The following DMD variants were observed in gnomAD, a reference collection of about 807,000 sequenced individuals.
DMD encodes mutant dystrophin.
A neutral mutation model predicts 330.1 loss-of-function variants in DMD; 63 were observed. The ratio of observed to expected loss-of-function variants is 0.19; its 90% CI spans 0.16 to 0.24. The LOEUF is 0.24. DMD is among the 10% of genes least tolerant of loss of function. DMD has a pLI of 1.00. For synonymous variants in DMD, 1,223 were observed against 959.8 expected (o/e 1.27, Z -5.07); for missense variants, 3,344 against 2,684.1 (o/e 1.25, Z -5.43).
intron 1 of DMD, among the ~76,000 whole-genome samples, chrX:33,021,799 T>A (rs1259240427): frequency 8.9e-6 from 1 of 111,888 alleles, no homozygotes; most frequent in Non-Finnish European, 1.9e-5. Flanking sequence ...GTATGTTCAA[T>A]ATCAACATTA....
intron 13 of DMD, among the ~76,000 whole-genome samples, chrX:32,587,656 G>C (rs1408053821): frequency 9.0e-6 from 1 of 110,544 alleles, no homozygotes; most frequent in Non-Finnish European, 1.9e-5. Flanking sequence ...AGGCTATCAA[G>C]TCTAACTTCC....
At chrX:31,723,623 AACACACACAC>A (rs55718177) in intron 52 of DMD, among the ~76,000 whole-genome samples, 68 of 77,663 alleles carry the variant, frequency 8.8e-4, no homozygotes, top group African/African-American at 2.4e-3. Flanking sequence ...TATCCTCCAC[AACACACACAC>A]ACACACACAC....
At chrX:31,824,411 C>T (rs746282635) in intron 49 of DMD, among the ~76,000 whole-genome samples, 2 of 110,263 alleles carry the variant, frequency 1.8e-5, no homozygotes, top group Admixed American at 9.7e-5. Context: ...TACAGGCTCG[C>T]ACCACCACAC....
intron 30 of DMD, among the ~76,000 whole-genome samples, chrX:32,392,914 G>A (rs1269515616): frequency 8.9e-6 from 1 of 112,771 alleles, no homozygotes; most frequent in African/African-American, 3.2e-5. Context: ...CTAGGCATGT[G>A]AATGAGTGAT....
At chrX:31,141,858 G>A (rs1196195101) in intron 76 of DMD, among the ~76,000 whole-genome samples, 1 of 111,444 alleles carries the variant, frequency 9.0e-6, no homozygotes, top group Non-Finnish European at 1.9e-5. Context: ...CAGGGAGAGT[G>A]AAGAACGGTG....
chrX:32,681,640 C>T (rs1464209541), intron 9 of DMD, among the ~76,000 whole-genome samples: 1 of 111,612 alleles, frequency 9.0e-6, no homozygotes, highest in Non-Finnish European at 1.9e-5. Flanking sequence ...ACAATACAAT[C>T]GCAAACTGGG....
chrX:32,481,992 A>G (rs1007315415), intron 21 of DMD, among the ~76,000 whole-genome samples: 1 of 111,926 alleles, frequency 8.9e-6, no homozygotes, highest in East Asian at 2.8e-4. Flanking sequence ...ACTTTAGAAC[A>G]GTCAAAACAC....
chrX:32,807,103 T>C (rs535639638), intron 7 of DMD, among the ~76,000 whole-genome samples: 1 of 55,973 alleles, frequency 1.8e-5, no homozygotes, highest in Non-Finnish European at 3.1e-5. Flanking sequence ...AGAGCAGAAC[T>C]GAAGGAGACG....
chrX:33,242,004 C>T (rs138331406), intron 1 of DMD, among the ~76,000 whole-genome samples: 1,662 of 111,758 alleles, frequency 0.015, 35 homozygotes, highest in African/African-American at 0.052. Flanking sequence ...TCAGGTGATC[C>T]GCCAACCTCG....
At chrX:31,542,895 T>C (rs1019414554) in intron 55 of DMD, among the ~76,000 whole-genome samples, 6 of 112,852 alleles carry the variant, frequency 5.3e-5, no homozygotes, top group Admixed American at 1.9e-4. Context: ...ATATGGTTGC[T>C]AAATGCTCTT....
chrX:31,815,463 G>C (rs866688755), intron 50 of DMD, among the ~76,000 whole-genome samples: 1 of 88,028 alleles, frequency 1.1e-5, no homozygotes, highest in Non-Finnish European at 2.3e-5. Flanking sequence ...AAAAAAGAGA[G>C]AGAGAGAGAT....
intron 11 of DMD, among the ~76,000 whole-genome samples, chrX:32,621,091 A>G (rs748213626): frequency 1.3e-4 from 14 of 111,728 alleles, no homozygotes; most frequent in Non-Finnish European, 1.9e-4. Flanking sequence ...TTAGTTGGTT[A>G]TAATGTGATC....
chrX:32,736,242 C>T (rs1249536916), intron 7 of DMD, among the ~76,000 whole-genome samples: 4 of 111,200 alleles, frequency 3.6e-5, no homozygotes, highest in African/African-American at 6.5e-5. Flanking sequence ...GTTAGAATGG[C>T]GATCATTAAA....
Position 31,929,720 on chromosome X carries a change from C to A in DMD, c.6788G>T (p.Arg2263Leu), listed in dbSNP as rs780221745. The A allele has an allele frequency of 1.7e-6, 2 of 1,211,332 alleles. No homozygotes were observed. The highest frequency in any genetic ancestry group is 3.5e-5 in the South Asian group (2 of 56,968). Residue 2263 changes from arginine to leucine, a missense_variant, in exon 47 of 79, where the codon CGC (arginine) becomes CTC (leucine). Physicochemically the swap from Arg to Leu is moderately radical, Grantham distance 102. Coordinates refer to ENST00000357033, the MANE Select transcript of DMD (RefSeq NM_004006.3). ...ATTTAATTGTTTGAGAATTCCCTGG[C>A]GCAGGGGCAACTCTTCCACCAGTAA... is the stretch of plus-strand genomic sequence containing the variant. Reference protein sequence around the residue: ...VKLLVEELPLRQGILKQLNET... With the variant: ...VKLLVEELPLLQGILKQLNET...
chrX:32,320,384 C>A (rs1376303277), intron 41 of DMD, among the ~76,000 whole-genome samples: 1 of 111,598 alleles, frequency 9.0e-6, no homozygotes, highest in Admixed American at 9.6e-5. Context: ...ATTAGCTACA[C>A]TTGACGAAAG....
chrX:33,172,659 T>C (rs1211991168), intron 1 of DMD, among the ~76,000 whole-genome samples: 1 of 111,690 alleles, frequency 9.0e-6, no homozygotes, highest in East Asian at 2.8e-4. Flanking sequence ...GAGATTACAC[T>C]CCCGTGGTAG....
chrX:32,851,874 G>A (rs969453506), intron 2 of DMD, among the ~76,000 whole-genome samples: 2 of 112,049 alleles, frequency 1.8e-5, no homozygotes, highest in African/African-American at 6.5e-5. Context: ...CCTATCCAGG[G>A]AGGTATCACC....
At chrX:31,679,289 T>C in intron 53 of DMD, 86 bp downstream of exon 53, 3 of 835,102 alleles carry the variant, frequency 3.6e-6, no homozygotes. Flanking sequence ...TAACTTTACA[T>C]TAAACATCAT....
chrX:32,692,356 G>T (rs947207353), intron 9 of DMD, among the ~76,000 whole-genome samples: 2 of 111,660 alleles, frequency 1.8e-5, no homozygotes, highest in Non-Finnish European at 3.8e-5. Context: ...GTCACATCAG[G>T]ATGTATAAAG....
Sources: gnomAD v4.1 joint callset for allele counts (sites outside exome capture counted in the v4.1 genomes callset) on GRCh38, gnomAD v4.1.1 for gene constraint, MANE v1.5 for transcripts, NCBI Gene and HGNC (gene_info 2026-07-23, HGNC 2026-07-21) for gene names.